Variants in RTN4 observed in about 807,000 individuals in gnomAD.
RTN4 encodes the protein reticulon-4.
Under a neutral mutation model 90.4 loss-of-function variants are expected in RTN4, and 32 were observed. That is an observed-to-expected ratio of 0.35 (90% confidence interval 0.27 to 0.48). The LOEUF is 0.48. Among genes scored for constraint, RTN4 ranks in the 20% least tolerant of loss-of-function variants. The pLI is 0.99. For missense variants in RTN4, 1,706 were observed against 1,430.2 expected, an observed-to-expected ratio of 1.19 and a Z score of -3.11; for synonymous variants, 629 against 552.5, an observed-to-expected ratio of 1.14 and a Z score of -1.94.
At chr2:55,071,499 C>A (rs1255146805) in intron 2 of RTN4, among the ~76,000 whole-genome samples, 2 of 127,620 alleles carry the variant, frequency 1.6e-5, no homozygotes, top group Non-Finnish European at 3.1e-5. Flanking sequence ...CTTCTAACTA[C>A]ATAGAATTTG....
intron 5 of RTN4, among the ~76,000 whole-genome samples, chr2:54,979,227 G>GT (rs5831332): frequency 1.1e-3 from 158 of 147,624 alleles, no homozygotes; most frequent in South Asian, 2.0e-3. Flanking sequence ...TGATTTTTCA[G>GT]TTTTTTTTTT....
At chr2:55,066,496 A>T (rs1004565311) in intron 2 of RTN4, among the ~76,000 whole-genome samples, 2 of 151,956 alleles carry the variant, frequency 1.3e-5, no homozygotes, top group African/African-American at 4.8e-5. Context: ...GGAGTTTGAG[A>T]CCAGCCTGGC....
At chr2:55,034,814 T>C (rs193156002) in intron 1 of RTN4, among the ~76,000 whole-genome samples, 61 of 152,270 alleles carry the variant, frequency 4.0e-4, no homozygotes, top group Admixed American at 4.0e-3. Context: ...ATACAATAAC[T>C]ATAATACATT....
At position 54,973,197 on chromosome 2, in the gene RTN4, T is replaced by C. The variant is rs370590389; in HGVS notation, c.3538A>G (p.Ile1180Val). Residue 1180 changes from isoleucine to valine, a missense_variant and splice_region_variant, in exon 9 of 9, where the codon ATC becomes GTC. Coordinates refer to ENST00000337526, the MANE Select transcript of RTN4 (RefSeq NM_020532.5). ...NKNVKDAMAK[I>V]QAKIPGLKRK... ...TTCAATCCAGGGATTTTTGCTTGGA[T>C]TCTGAAAATGAAAAAGTCAATGTAA... 42 of 1,603,460 alleles carry C rather than the reference T, an allele frequency of 2.6e-5. No homozygotes were observed. The African/African-American group carries it at 5.1e-4, about 19-fold the overall frequency.
chr2:55,051,944 G>C (rs1668100507), upstream of RTN4, among the ~76,000 whole-genome samples: 3 of 152,140 alleles, frequency 2.0e-5, no homozygotes, highest in South Asian at 4.1e-4. Context: ...TGCTAGTCTA[G>C]ATTAATAATT....
At chr2:55,042,725 T>C (rs1424199182) in intron 1 of RTN4, among the ~76,000 whole-genome samples, 1 of 152,200 alleles carries the variant, frequency 6.6e-6, no homozygotes, top group Admixed American at 6.5e-5. Context: ...TCTAGAACTA[T>C]ACAGAATATG....
At chr2:54,987,831 G>T (rs1221163782) in intron 3 of RTN4, 133 bp from the exon 4 acceptor site, 1 of 704,566 alleles carries the variant, frequency 1.4e-6, no homozygotes, top group Non-Finnish European at 2.4e-6. Context: ...CTAAGTTAAA[G>T]AAACACTAAC....
chr2:55,039,743 C>A (rs1682944837), intron 1 of RTN4, among the ~76,000 whole-genome samples: 1 of 152,196 alleles, frequency 6.6e-6, no homozygotes, highest in African/African-American at 2.4e-5. Context: ...TACACCACTG[C>A]ACTCCAGCCT....
intron 6 of RTN4, 35 bp from the exon 7 acceptor site, chr2:54,973,902 C>T (rs2255026): frequency 0.82 from 1,306,112 of 1,583,638 alleles, 541,524 homozygotes; most frequent in African/African-American, 0.97. Context: ...TCAAAAAGAA[C>T]GGAATGATTT....
At chr2:55,042,750 T>A (rs2968788) in intron 1 of RTN4, among the ~76,000 whole-genome samples, 128,482 of 152,210 alleles carry the variant, frequency 0.84, 54,584 homozygotes, top group African/African-American at 0.94. Flanking sequence ...TCAGCATCTT[T>A]CTCATTCAAC....
intron 2 of RTN4, among the ~76,000 whole-genome samples, chr2:55,064,628 G>A (rs1486991207): frequency 6.6e-6 from 1 of 152,134 alleles, no homozygotes; most frequent in African/African-American, 2.4e-5. Flanking sequence ...TGGGATTACA[G>A]GTGTGAGCCA....
intron 1 of RTN4, among the ~76,000 whole-genome samples, chr2:55,089,167 G>T (rs867877655): frequency 2.6e-5 from 4 of 152,028 alleles, no homozygotes; most frequent in Non-Finnish European, 5.9e-5. Context: ...AGGAGTGCTG[G>T]GATTACAGGC....
chr2:55,132,360 G>A, the RTN4 span, among the ~76,000 whole-genome samples: 127 of 151,796 alleles, frequency 8.4e-4, 2 homozygotes, highest in African/African-American at 2.5e-3. Context: ...AAAATTAGCC[G>A]GGTGTGATGG....
chr2:55,068,575 CAT>C (rs1668433833), intron 2 of RTN4, among the ~76,000 whole-genome samples: 1 of 147,128 alleles, frequency 6.8e-6, no homozygotes, highest in Non-Finnish European at 1.5e-5. Context: ...AGGTTTACTT[CAT>C]ATGTTTTTGA....
At chr2:55,119,596 C>A in the RTN4 span, among the ~76,000 whole-genome samples, 1 of 152,190 alleles carries the variant, frequency 6.6e-6, no homozygotes, top group Non-Finnish European at 1.5e-5. Context: ...AACTTGTATT[C>A]TCTGGGCAGA....
At chr2:55,087,680 T>G (rs1247527936) in intron 1 of RTN4, among the ~76,000 whole-genome samples, 1 of 152,148 alleles carries the variant, frequency 6.6e-6, no homozygotes, top group Non-Finnish European at 1.5e-5. Flanking sequence ...TGTACCCATC[T>G]GTGAGACTAT....
rs1051501242 is a variant in RTN4 at position 54,973,596 on chromosome 2, A to G, written c.3503T>C (p.Leu1168Pro). The change falls in exon 8 of 9, where the codon CTT (leucine) becomes CCT (proline). Residue 1168 changes from leucine (L) to proline (P), a missense_variant. Transcript: ENST00000337526. The part of the protein sequence containing the change: ...HQAQIDHYLG[L>P]ANKNVKDAMA... ...AGCATCTTTAACATTCTTATTTGCA[A>G]GTCCTAGATAATGATCTATCTGTGC... is the stretch of plus-strand genomic sequence containing the variant. 1.2e-6 allele frequency: 2 copies of G among 1,610,670 alleles called. No individual in the cohort carries two copies. Among genetic ancestry groups the G allele is most frequent in the African/African-American group, 2.7e-5 (2 of 74,856 alleles).
intron 2 of RTN4, among the ~76,000 whole-genome samples, chr2:55,079,655 CA>C (rs1284388587): frequency 6.6e-6 from 1 of 152,166 alleles, no homozygotes; most frequent in African/African-American, 2.4e-5. Context: ...ACTCATAGGA[CA>C]AAATGTGTCT....
the RTN4 span, among the ~76,000 whole-genome samples, chr2:55,121,154 G>C: frequency 6.6e-6 from 1 of 152,210 alleles, no homozygotes; most frequent in Non-Finnish European, 1.5e-5. Context: ...TACTTATTGT[G>C]CAGTGTCTGA....
Sources: gnomAD v4.1 joint callset for allele counts (sites outside exome capture counted in the v4.1 genomes callset) on GRCh38, gnomAD v4.1.1 for gene constraint, MANE v1.5 for transcripts, NCBI Gene and HGNC (gene_info 2026-07-23, HGNC 2026-07-21) for gene names.